The following NAALADL2 variants were observed in gnomAD, a reference collection of about 807,000 sequenced individuals.
NAALADL2 encodes N-acetylated alpha-linked acidic dipeptidase like 2.
In NAALADL2, 76 loss-of-function variants were observed where a neutral mutation model predicts 87.2. That is an observed-to-expected ratio of 0.87 (90% CI 0.72 to 1.05). The LOEUF (loss-of-function observed/expected upper bound fraction) is 1.05, where lower values mean the gene tolerates loss of function less well. Ranked by LOEUF, NAALADL2 falls within the 50% of genes least tolerant of loss-of-function variation. The pLI is 0.00. For synonymous variants in NAALADL2, 354 were observed against 331.0 expected (o/e 1.07, Z -0.75); for missense variants, 1,089 against 945.8 (o/e 1.15, Z -1.99).
At chr3:175,167,389 C>A (rs575561177) in intron 2 of NAALADL2, among the ~76,000 whole-genome samples, 2 of 152,052 alleles carry the variant, frequency 1.3e-5, no homozygotes, top group Non-Finnish European at 2.9e-5. Flanking sequence ...AAAAGAAAAT[C>A]CAAATGTGTG....
intron 9 of NAALADL2, among the ~76,000 whole-genome samples, chr3:175,561,704 G>GC (rs1381918339): frequency 2.0e-5 from 3 of 151,914 alleles, no homozygotes; most frequent in Non-Finnish European, 4.4e-5. Flanking sequence ...CCAGATTAAG[G>GC]CCCTACACTT....
chr3:175,775,179 T>C (rs1421252227), intron 13 of NAALADL2: 1 of 150,442 alleles, frequency 6.6e-6, no homozygotes, highest in Non-Finnish European at 1.5e-5. Flanking sequence ...GGATGGCAAA[T>C]ATAGAAGCGG....
At chr3:174,658,877 A>T (rs1382231739) in intron 2 of NAALADL2, among the ~76,000 whole-genome samples, 1 of 152,186 alleles carries the variant, frequency 6.6e-6, no homozygotes, top group African/African-American at 2.4e-5. Flanking sequence ...TAAGAATAAC[A>T]AATATGTATA....
At chr3:175,089,487 G>A (rs981650153) in intron 1 of NAALADL2, among the ~76,000 whole-genome samples, 3 of 152,120 alleles carry the variant, frequency 2.0e-5, no homozygotes, top group Non-Finnish European at 4.4e-5. Flanking sequence ...TCTATAAAAC[G>A]GGGATAATAA....
chr3:175,160,229 A>C (rs1407151802), intron 2 of NAALADL2, among the ~76,000 whole-genome samples: 1 of 151,782 alleles, frequency 6.6e-6, no homozygotes, highest in African/African-American at 2.4e-5. Context: ...AATTGTTCCC[A>C]ATATTAGCTA....
intron 1 of NAALADL2, among the ~76,000 whole-genome samples, chr3:174,539,648 A>G (rs1037591260): frequency 2.6e-4 from 40 of 152,272 alleles, no homozygotes; most frequent in African/African-American, 9.1e-4. Context: ...TGTTGTGGCC[A>G]CATCAAATTC....
chr3:174,810,700 A>G (rs1720075409), intron 3 of NAALADL2, among the ~76,000 whole-genome samples: 1 of 152,188 alleles, frequency 6.6e-6, no homozygotes, highest in South Asian at 2.1e-4. Context: ...TAAAAAAGAA[A>G]AGCTCATTTT....
intron 11 of NAALADL2, among the ~76,000 whole-genome samples, chr3:175,703,276 G>T (rs753380593): frequency 1.3e-5 from 2 of 152,134 alleles, no homozygotes; most frequent in African/African-American, 2.4e-5. Context: ...TTGGGAACAA[G>T]CAGAGTAATT....
At position 174,537,877 on chromosome 3, in the gene NAALADL2, A is replaced by G. The variant is rs1014715464; in HGVS notation, c.-183-12692A>G. ...ACAGAGCCATCTGACCATGTTTAAT[A>G]ACTAGGAAAGCAGCCTATTCTTCCT... On this transcript the variant is annotated intron_variant, in intron 1 of 3. Coordinates refer to the NAALADL2 transcript ENST00000434257. Among the ~76,000 whole-genome samples the G allele has an allele frequency of 2.9e-4, 44 of 152,302 alleles. 1 individual carries two copies. Among genetic ancestry groups the G allele is most frequent in the Admixed American group, 2.9e-3 (44 of 15,284 alleles).
In NAALADL2 at chr3:174,915,580, T is replaced by G. The variant is rs116769433; in HGVS notation, c.43+56130T>G. Among the ~76,000 whole-genome samples the G allele has an allele frequency of 6.1e-3, 930 of 152,196 alleles. 1 individual carries two copies. Among genetic ancestry groups the G allele is most frequent in the Non-Finnish European group, 0.011 (715 of 67,980 alleles). The stretch of plus-strand genomic sequence containing the variant: ...TGTATTTTGTTTAAAAATGTTATAT[T>G]CAGATTTATTTATTATATTTATTAG... On this transcript the variant is annotated intron_variant, in intron 1 of 13. Transcript: ENST00000454872.
intron 3 of NAALADL2, among the ~76,000 whole-genome samples, chr3:174,819,972 ATTAG>A (rs1277730581): frequency 6.6e-6 from 1 of 152,098 alleles, no homozygotes; most frequent in Admixed American, 6.6e-5. Context: ...TTCCCTTCAT[ATTAG>A]TTGGTTTTGG....
chr3:175,730,719 T>C (rs1160115608), intron 11 of NAALADL2, among the ~76,000 whole-genome samples: 1 of 152,074 alleles, frequency 6.6e-6, no homozygotes, highest in Middle Eastern at 3.4e-3. Flanking sequence ...ATGATCCTTT[T>C]ATATTTTTAA....
intron 11 of NAALADL2, among the ~76,000 whole-genome samples, chr3:175,693,783 C>A (rs1737365114): frequency 1.3e-5 from 2 of 152,136 alleles, no homozygotes. Context: ...ACTGCAACCT[C>A]CCCGACCCGG....
At chr3:175,016,956 C>A (rs979498775) in intron 1 of NAALADL2, among the ~76,000 whole-genome samples, 5 of 151,918 alleles carry the variant, frequency 3.3e-5, no homozygotes, top group Non-Finnish European at 4.4e-5. Flanking sequence ...TTGAAATGTA[C>A]AATAGATTAT....
intron 9 of NAALADL2, among the ~76,000 whole-genome samples, chr3:175,501,361 A>T (rs913415824): frequency 4.6e-5 from 7 of 152,020 alleles, no homozygotes; most frequent in Admixed American, 4.6e-4. Flanking sequence ...CACCTCCACA[A>T]TTATATTACC....
chr3:175,792,657 T>C (rs1205552096), intron 13 of NAALADL2, among the ~76,000 whole-genome samples: 6 of 152,192 alleles, frequency 3.9e-5, no homozygotes, highest in African/African-American at 1.4e-4. Context: ...AGTAATCAAG[T>C]ATAGTATATC....
chr3:174,887,928 T>C (rs999883271), intron 1 of NAALADL2, among the ~76,000 whole-genome samples: 12 of 151,656 alleles, frequency 7.9e-5, no homozygotes, highest in East Asian at 7.7e-4. Flanking sequence ...TAAATAAAAA[T>C]ACAGAAATGA....
intron 2 of NAALADL2, among the ~76,000 whole-genome samples, chr3:174,697,410 T>G (rs1729126904): frequency 6.6e-6 from 1 of 152,202 alleles, no homozygotes; most frequent in South Asian, 2.1e-4. Context: ...GTAATATCCC[T>G]TAGAAGACCT....
At chr3:175,776,018 G>T (rs955887125) in intron 13 of NAALADL2, among the ~76,000 whole-genome samples, 1 of 152,018 alleles carries the variant, frequency 6.6e-6, no homozygotes, top group Non-Finnish European at 1.5e-5. Context: ...AAGAGTAAAA[G>T]CGATTTTTTC....
Sources: gnomAD v4.1 joint callset for allele counts (sites outside exome capture counted in the v4.1 genomes callset) on GRCh38, gnomAD v4.1.1 for gene constraint, MANE v1.5 for transcripts, NCBI Gene and HGNC (gene_info 2026-07-23, HGNC 2026-07-21) for gene names.